The following BPIFC variants were observed in gnomAD, a reference collection of about 807,000 sequenced individuals.
The protein encoded by BPIFC is BPI fold-containing family C protein.
Under a neutral mutation model 57.6 loss-of-function variants are expected in BPIFC, and 60 were observed. The ratio of observed to expected loss-of-function variants is 1.04; its 90% confidence interval spans 0.85 to 1.29. The LOEUF is 1.29. Ranked by LOEUF, BPIFC falls within the 50% of genes most tolerant of loss-of-function variation. The pLI, the probability that BPIFC is intolerant of heterozygous loss-of-function variation, is 0.00. For synonymous variants in BPIFC, 243 were observed against 224.5 expected, an observed-to-expected ratio of 1.08 and a Z score of -0.74; for missense variants, 581 against 600.5, an observed-to-expected ratio of 0.97 and a Z score of 0.34.
At chr22:32,416,271 C>A (rs1373875039) in intron 15 of BPIFC, among the ~76,000 whole-genome samples, 3 of 152,048 alleles carry the variant, frequency 2.0e-5, no homozygotes, top group African/African-American at 7.2e-5. Context: ...TTAGTAGAGA[C>A]AGGGTTTCAC....
At chr22:32,437,144 T>C (rs147556380) in intron 9 of BPIFC, among the ~76,000 whole-genome samples, 1 of 152,340 alleles carries the variant, frequency 6.6e-6, no homozygotes, top group African/African-American at 2.4e-5. Flanking sequence ...AAATGCAGAC[T>C]GCTCTACTTG....
At chr22:32,418,712 A>G (rs1933752577) in intron 14 of BPIFC, among the ~76,000 whole-genome samples, 1 of 152,198 alleles carries the variant, frequency 6.6e-6, no homozygotes, top group South Asian at 2.1e-4. Context: ...AGTGCTGCCC[A>G]TGAACTAGGC....
intron 4 of BPIFC, among the ~76,000 whole-genome samples, chr22:32,452,318 C>A (rs1934917096): frequency 6.6e-6 from 1 of 152,094 alleles, no homozygotes; most frequent in Admixed American, 6.5e-5. Flanking sequence ...CCTAAGTCAC[C>A]ATCTCTCTTC....
At chr22:32,446,059 C>T in intron 5 of BPIFC, 63 bp from the exon 6 acceptor site, 1 of 1,576,176 alleles carries the variant, frequency 6.3e-7, no homozygotes, top group Non-Finnish European at 8.6e-7. Context: ...TCTTGTTTCT[C>T]TGATTACCCA....
Position 32,415,956 on chromosome 22 carries a change from G to A in BPIFC, c.1360C>T (p.His454Tyr), listed in dbSNP as rs1435046303. The change falls in exon 16 of 17, where the codon CAC becomes TAC. Residue 454 changes from histidine (H) to tyrosine (Y), a missense_variant. By Grantham distance (83) the His-to-Tyr change is moderately conservative. Coordinates refer to ENST00000300399, the MANE Select transcript of BPIFC (RefSeq NM_174932.3). ...TCTGAATTGACGAATAAGAATTTGT[G>A]TGGATTGGACAGAGGAAATCCTTGC... ...LQQGFPLSNP[H>Y]KFLFVNSDIE... 2 of 1,594,860 alleles carry A rather than the reference G, an allele frequency of 1.3e-6. No homozygotes were observed. The highest frequency in any genetic ancestry group is 1.7e-6 in the Non-Finnish European group (2 of 1,172,756).
chr22:32,440,479 TG>T (rs1468082090), intron 8 of BPIFC, among the ~76,000 whole-genome samples: 1 of 152,100 alleles, frequency 6.6e-6, no homozygotes, highest in East Asian at 1.9e-4. Flanking sequence ...TGCCTGACGC[TG>T]GGGGCACAGC....
intron 1 of BPIFC, among the ~76,000 whole-genome samples, chr22:32,463,465 G>A (rs1935203549): frequency 6.6e-6 from 1 of 152,168 alleles, no homozygotes; most frequent in South Asian, 2.1e-4. Context: ...AATGGTCCTT[G>A]TGTGAGTCAT....
intron 5 of BPIFC, 152 bp from the exon 6 acceptor site, chr22:32,446,148 G>C (rs1934722381): frequency 1.3e-6 from 1 of 799,762 alleles, no homozygotes; most frequent in Non-Finnish European, 1.9e-6. Flanking sequence ...GGTAGGAGCA[G>C]AGTGGGTGCT....
chr22:32,455,050 C>CTTTTTTTTTTTTTTTTTTTTTTT (rs1392514246), intron 3 of BPIFC, among the ~76,000 whole-genome samples: 4 of 134,148 alleles, frequency 3.0e-5, no homozygotes, highest in African/African-American at 5.7e-5. Context: ...TTTTCATCTC[C>CTTTTTTTTTTTTTTTTTTTTTTT]ATTTTTTTTT....
intron 2 of BPIFC, among the ~76,000 whole-genome samples, chr22:32,458,321 CAT>C (rs1285382392): frequency 1.3e-5 from 2 of 152,190 alleles, no homozygotes; most frequent in African/African-American, 4.8e-5. Flanking sequence ...CTCTTCCTGG[CAT>C]AGTCTTCCTC....
chr22:32,428,678 G>T (rs990021804), intron 13 of BPIFC, among the ~76,000 whole-genome samples: 1 of 152,014 alleles, frequency 6.6e-6, no homozygotes, highest in Non-Finnish European at 1.5e-5. Flanking sequence ...GCCCCAGATC[G>T]CCTGAGGTCA....
At chr22:32,416,369 C>T (rs1045345593) in intron 15 of BPIFC, among the ~76,000 whole-genome samples, 1 of 152,172 alleles carries the variant, frequency 6.6e-6, no homozygotes, top group Admixed American at 6.5e-5. Context: ...AGGCGTGAGC[C>T]ACTGAGCCCG....
Position 32,447,222 on chromosome 22 carries a change from A to T in BPIFC, c.364T>A (p.Ser122Thr). ...CAGTGGAATACTCACAAAAGTGGAGACTCGAACCCCCAGTCTGTGCTGATG... is the reference window on the plus strand; with the variant it reads ...CAGTGGAATACTCACAAAAGTGGAGTCTCGAACCCCCAGTCTGTGCTGATG... ...ANISTDWGFE[S>T]PLFQDTGGAD... The change falls in exon 5 of 17, where the codon TCT becomes ACT. Residue 122 changes from serine (S) to threonine (T), a missense_variant. By Grantham distance (58) the Ser-to-Thr change is moderately conservative. Coordinates refer to ENST00000300399, the MANE Select transcript of BPIFC (RefSeq NM_174932.3). 1.2e-6 allele frequency: 2 copies of T among 1,600,956 alleles called. No individual in the cohort carries two copies. Among genetic ancestry groups the T allele is most frequent in the Non-Finnish European group, 1.7e-6 (2 of 1,173,908 alleles).
chr22:32,430,555 A>C (rs1934210445), intron 13 of BPIFC, among the ~76,000 whole-genome samples: 1 of 143,998 alleles, frequency 6.9e-6, no homozygotes, highest in Admixed American at 7.0e-5. Context: ...TTTTATATAA[A>C]TATAAAAATA....
At chr22:32,450,093 TACACACACACACACACACACACACAC>T (rs59948938) in intron 4 of BPIFC, among the ~76,000 whole-genome samples, 1 of 145,510 alleles carries the variant, frequency 6.9e-6, no homozygotes, top group Non-Finnish European at 1.5e-5. Flanking sequence ...TCAAAGAGCA[TACACACACACACACACACACACACAC>T]ACACACACAC....
chr22:32,440,912 AT>A (rs566262710), intron 8 of BPIFC, among the ~76,000 whole-genome samples: 1 of 151,542 alleles, frequency 6.6e-6, no homozygotes, highest in Admixed American at 6.6e-5. Flanking sequence ...CTTCCTGTCT[AT>A]TTTTTTTAGC....
Position 32,437,828 on chromosome 22 carries a change from T to A in BPIFC, c.679A>T (p.Thr227Ser). ...LEVLTKIDNY[T>S]LLDYSLISSP... Reference sequence around the variant, plus strand: ...CTGATTAGGGAGTAATCCAGCAGAGTGTAGTTGTCAATCTTGGTTAAAACT... The same window carrying A: ...CTGATTAGGGAGTAATCCAGCAGAGAGTAGTTGTCAATCTTGGTTAAAACT... Residue 227 changes from threonine (T) to serine (S), a missense_variant, in exon 9 of 17, where the codon ACT becomes TCT. Thr to Ser is a moderately conservative substitution (Grantham distance 58). Transcript: ENST00000300399. The A allele has an allele frequency of 6.2e-7, 1 of 1,611,414 alleles. No homozygotes were observed. Among genetic ancestry groups the A allele is most frequent in the Non-Finnish European group, 8.5e-7 (1 of 1,177,836 alleles).
rs1379897520 is a variant in BPIFC at position 32,424,759 on chromosome 22, T to TTCC, written c.1218-5356_1218-5355insGGA. Among the ~76,000 whole-genome samples the TTCC allele has an allele frequency of 2.1e-5, 2 of 96,674 alleles. 1 individual carries two copies. The highest frequency in any genetic ancestry group is 1.1e-4 in the African/African-American group (2 of 17,446). 63.4% of individuals were successfully genotyped at this position (96,674 alleles called of 152,430 possible). A position where few individuals can be genotyped will look rare whatever the true frequency, so the allele number is the denominator to read the frequency against. On this transcript the variant is annotated intron_variant, in intron 13 of 16. Coordinates refer to ENST00000300399, the MANE Select transcript of BPIFC (RefSeq NM_174932.3). ...CTTCTTCCTCTTCTTCTTCCTCTTC[T>TTCC]TCTTCTTCTTCTTCTTCTTCTTCTT...
intron 16 of BPIFC, among the ~76,000 whole-genome samples, chr22:32,415,437 T>A (rs1426975000): frequency 1.3e-5 from 2 of 152,208 alleles, no homozygotes; most frequent in Admixed American, 1.3e-4. Context: ...TGCATAATGA[T>A]GAGCCGGAAA....
Sources: allele counts gnomAD v4.1 joint callset (sites outside exome capture counted in the v4.1 genomes callset), GRCh38; gene constraint gnomAD v4.1.1; transcripts MANE v1.5; gene names NCBI Gene and HGNC (gene_info 2026-07-23, HGNC 2026-07-21).